Variants in ARB2A observed in about 807,000 individuals in gnomAD.
ARB2A encodes the protein cotranscriptional regulator ARB2A.
the ARB2A span, among the ~76,000 whole-genome samples, chr5:93,791,330 C>T: frequency 3.9e-5 from 6 of 152,168 alleles, no homozygotes; most frequent in African/African-American, 9.7e-5. Context: ...ATTTGATCAT[C>T]GTATATATAA....
At chr5:94,110,100 G>T in the ARB2A span, among the ~76,000 whole-genome samples, 1 of 152,040 alleles carries the variant, frequency 6.6e-6, no homozygotes, top group Non-Finnish European at 1.5e-5. Flanking sequence ...GCCCAGGCTG[G>T]TCTCAAACTC....
At chr5:93,689,736 G>A in the ARB2A span, among the ~76,000 whole-genome samples, 2,871 of 151,116 alleles carry the variant, frequency 0.019, 99 homozygotes, top group African/African-American at 0.066. Context: ...CTTGTTGTCC[G>A]GGCTGGAGTG....
chr5:93,839,433 T>G, the ARB2A span, among the ~76,000 whole-genome samples: 1 of 152,060 alleles, frequency 6.6e-6, no homozygotes, highest in Non-Finnish European at 1.5e-5. Flanking sequence ...GGATTTGGTT[T>G]GCTAGTTGAG....
the ARB2A span, among the ~76,000 whole-genome samples, chr5:93,985,340 AT>A: frequency 1.3e-5 from 2 of 152,012 alleles, no homozygotes; most frequent in African/African-American, 4.8e-5. Context: ...TCTCAAAAAT[AT>A]TCACTAAGAA....
chr5:93,959,803 T>C, the ARB2A span, among the ~76,000 whole-genome samples: 9 of 152,316 alleles, frequency 5.9e-5, no homozygotes, highest in African/African-American at 2.2e-4. Context: ...ATGATTTACA[T>C]TTGAAAGACA....
At chr5:93,713,457 G>C in the ARB2A span, among the ~76,000 whole-genome samples, 2 of 152,236 alleles carry the variant, frequency 1.3e-5, no homozygotes, top group African/African-American at 4.8e-5. Context: ...ATAAAAAAAA[G>C]TTCAATATCA....
chr5:93,875,310 C>A, the ARB2A span, among the ~76,000 whole-genome samples: 1 of 152,058 alleles, frequency 6.6e-6, no homozygotes, highest in Non-Finnish European at 1.5e-5. Flanking sequence ...CGGCTGGCTG[C>A]AACCTCTGCC....
At chr5:93,704,067 TGATGACTCAA>T in the ARB2A span, among the ~76,000 whole-genome samples, 2 of 147,296 alleles carry the variant, frequency 1.4e-5, no homozygotes, top group Non-Finnish European at 3.1e-5. Context: ...TCATACTGCA[TGATGACTCAA>T]AATGGCTTCA....
chr5:93,657,815 T>C, the ARB2A span, among the ~76,000 whole-genome samples: 1 of 152,192 alleles, frequency 6.6e-6, no homozygotes, highest in Non-Finnish European at 1.5e-5. Flanking sequence ...ATAATGAAAA[T>C]GACATTGCAT....
chr5:93,718,505 A>G, the ARB2A span, among the ~76,000 whole-genome samples: 1 of 152,192 alleles, frequency 6.6e-6, no homozygotes, highest in Admixed American at 6.5e-5. Flanking sequence ...AGAATAACAG[A>G]ACGTGGAGAA....
chr5:93,624,061 T>C, the ARB2A span, among the ~76,000 whole-genome samples: 255 of 152,270 alleles, frequency 1.7e-3, no homozygotes, highest in Non-Finnish European at 3.0e-3. Context: ...ATGGAAACTT[T>C]TGAGAGCAGG....
the ARB2A span, among the ~76,000 whole-genome samples, chr5:93,868,754 T>C: frequency 3.4e-3 from 521 of 152,304 alleles, 6 homozygotes; most frequent in African/African-American, 0.012. Context: ...GGGTCCCAGA[T>C]TCTAGAACCA....
chr5:93,953,431 T>C, the ARB2A span, among the ~76,000 whole-genome samples: 11 of 152,060 alleles, frequency 7.2e-5, no homozygotes, highest in Non-Finnish European at 1.6e-4. Context: ...TACTGCCTTG[T>C]TGGTTTTGGA....
chr5:93,878,952 A>C, the ARB2A span, among the ~76,000 whole-genome samples: 1 of 152,110 alleles, frequency 6.6e-6, no homozygotes, highest in African/African-American at 2.4e-5. Context: ...TTTGTGCATC[A>C]GTTTCCAACT....
chr5:93,798,543 T>C, the ARB2A span, among the ~76,000 whole-genome samples: 2 of 152,146 alleles, frequency 1.3e-5, no homozygotes, highest in Non-Finnish European at 2.9e-5. Context: ...CATCATGGTT[T>C]ACTGAAACCA....
the ARB2A span, chr5:93,865,409 T>C: frequency 2.0e-6 from 2 of 985,364 alleles, no homozygotes; most frequent in Non-Finnish European, 2.4e-6. Context: ...TGAGTAGAAA[T>C]TACATGCTTT....
At chr5:93,928,668 A>G in the ARB2A span, among the ~76,000 whole-genome samples, 1 of 152,160 alleles carries the variant, frequency 6.6e-6, no homozygotes, top group African/African-American at 2.4e-5. Flanking sequence ...TTTAAATTAG[A>G]TCGTAAGAGT....
At chr5:93,950,045 AC>A in the ARB2A span, among the ~76,000 whole-genome samples, 44 of 152,004 alleles carry the variant, frequency 2.9e-4, 1 homozygote, top group Admixed American at 2.1e-3. Flanking sequence ...ACAGGATCTC[AC>A]TCTTTTCTAT....
the ARB2A span, among the ~76,000 whole-genome samples, chr5:93,666,448 T>A: frequency 6.6e-6 from 1 of 152,014 alleles, no homozygotes; most frequent in Non-Finnish European, 1.5e-5. Flanking sequence ...CAGACCCCCT[T>A]GGTACTTAGG....
Sources: gnomAD v4.1 joint callset for allele counts (sites outside exome capture counted in the v4.1 genomes callset) on GRCh38, gnomAD v4.1.1 for gene constraint, MANE v1.5 for transcripts, NCBI Gene and HGNC (gene_info 2026-07-23, HGNC 2026-07-21) for gene names.